B3GALT1: variants seen among roughly 807,000 people sequenced by gnomAD.
B3GALT1 encodes the protein beta-1,3-galactosyltransferase 1.
In B3GALT1, 10 loss-of-function variants were observed where a neutral mutation model predicts 23.2. The observed-to-expected ratio is 0.43, with a 90% CI of 0.27 to 0.73. The LOEUF is 0.73. Ranked by LOEUF, B3GALT1 falls within the 30% of genes least tolerant of loss-of-function variation. The pLI, the probability that B3GALT1 is intolerant of heterozygous loss-of-function variation, is 0.21. For missense variants in B3GALT1, 299 were observed against 405.4 expected (o/e 0.74, Z 2.25); for synonymous variants, 156 against 141.5 (o/e 1.10, Z -0.73).
intron 2 of B3GALT1, among the ~76,000 whole-genome samples, chr2:167,588,091 G>A (rs997671296): frequency 2.0e-5 from 3 of 152,144 alleles, no homozygotes; most frequent in African/African-American, 7.2e-5. Context: ...CTTTAAACAG[G>A]TGTTGCTCTT....
At chr2:167,607,552 T>A (rs1684988051) in intron 2 of B3GALT1, among the ~76,000 whole-genome samples, 1 of 152,200 alleles carries the variant, frequency 6.6e-6, no homozygotes, top group African/African-American at 2.4e-5. Flanking sequence ...TGCACACACG[T>A]GCATACACGC....
chr2:167,639,748 TC>T (rs1473677979), intron 2 of B3GALT1, among the ~76,000 whole-genome samples: 1 of 152,134 alleles, frequency 6.6e-6, no homozygotes, highest in East Asian at 1.9e-4. Context: ...GATGTATCAT[TC>T]CACAGATCCA....
At chr2:167,623,028 T>C (rs1183530549) in intron 2 of B3GALT1, among the ~76,000 whole-genome samples, 1 of 152,110 alleles carries the variant, frequency 6.6e-6, no homozygotes, top group Non-Finnish European at 1.5e-5. Context: ...AAAAAAGGTA[T>C]TTGCTTTGAA....
At chr2:167,540,227 T>C (rs1683513056) in intron 2 of B3GALT1, among the ~76,000 whole-genome samples, 1 of 152,130 alleles carries the variant, frequency 6.6e-6, no homozygotes, top group Non-Finnish European at 1.5e-5. Context: ...CCTGGACAGC[T>C]TATTCAAGCA....
intron 1 of B3GALT1, among the ~76,000 whole-genome samples, chr2:167,437,148 C>T (rs144715189): frequency 4.6e-5 from 7 of 152,200 alleles, no homozygotes; most frequent in South Asian, 2.1e-4. Context: ...AAGCATTTTC[C>T]GTACCAAAGT....
At chr2:167,656,874 T>C (rs1432468186) in intron 3 of B3GALT1, among the ~76,000 whole-genome samples, 1 of 152,088 alleles carries the variant, frequency 6.6e-6, no homozygotes, top group Non-Finnish European at 1.5e-5. Context: ...TTTGTCTAAC[T>C]AGAGAAATAA....
chr2:167,671,120 C>G (rs1686318672), intron 3 of B3GALT1, among the ~76,000 whole-genome samples: 1 of 152,050 alleles, frequency 6.6e-6, no homozygotes, highest in African/African-American at 2.4e-5. Context: ...AAGGATGTAA[C>G]AATTATATAT....
chr2:167,724,383 A>G (rs536852791), intron 3 of B3GALT1, among the ~76,000 whole-genome samples: 1 of 152,190 alleles, frequency 6.6e-6, no homozygotes, highest in Non-Finnish European at 1.5e-5. Context: ...ACAACTTAAC[A>G]TCTACAAACT....
chr2:167,694,431 C>G (rs1686760855), intron 3 of B3GALT1, among the ~76,000 whole-genome samples: 1 of 152,016 alleles, frequency 6.6e-6, no homozygotes, highest in East Asian at 1.9e-4. Flanking sequence ...AAAACTTCCT[C>G]CATTTTGTTA....
At chr2:167,455,276 T>C (rs1273535579) in intron 1 of B3GALT1, among the ~76,000 whole-genome samples, 2 of 152,204 alleles carry the variant, frequency 1.3e-5, no homozygotes, top group Non-Finnish European at 2.9e-5. Flanking sequence ...TAGCTTTTAG[T>C]GTTTTCCTAG....
intron 1 of B3GALT1, among the ~76,000 whole-genome samples, chr2:167,475,780 G>T (rs1427386401): frequency 2.6e-5 from 4 of 152,024 alleles, no homozygotes; most frequent in Non-Finnish European, 5.9e-5. Context: ...ACGGTTCTGG[G>T]GTCTGAAAGT....
intron 2 of B3GALT1, among the ~76,000 whole-genome samples, chr2:167,520,935 G>T (rs1700178427): frequency 1.3e-5 from 2 of 152,060 alleles, no homozygotes; most frequent in East Asian, 1.9e-4. Context: ...TGTTGTTTCT[G>T]CTGTTAACCA....
At chr2:167,548,761 A>G (rs1252793350) in intron 2 of B3GALT1, among the ~76,000 whole-genome samples, 2 of 151,848 alleles carry the variant, frequency 1.3e-5, no homozygotes, top group Non-Finnish European at 2.9e-5. Context: ...CTTAAGTCTT[A>G]AATTAGATTA....
chr2:167,517,482 A>G (rs550730083), intron 2 of B3GALT1, among the ~76,000 whole-genome samples: 101 of 152,186 alleles, frequency 6.6e-4, no homozygotes, highest in African/African-American at 2.4e-3. Flanking sequence ...GCCAGTTAGT[A>G]TACTGCCCAT....
chr2:167,774,472 G>C lies in B3GALT1; in HGVS notation c.-351-44200G>C, dbSNP rs542730965. Among the ~76,000 whole-genome samples, 651 of 111,936 alleles carry C rather than the reference G, an allele frequency of 5.8e-3. 9 individuals are homozygous for C. Among genetic ancestry groups the C allele is most frequent in the African/African-American group, 0.021 (621 of 29,558 alleles). 73.4% of individuals were successfully genotyped at this position (111,936 alleles called of 152,430 possible). A position where few individuals can be genotyped will look rare whatever the true frequency, so the allele number is the denominator to read the frequency against. ...TTCTGTAGTTTTTCTGTGTTTATTG[G>C]TTTTTTTTTTTTGTTTTTTTTTTTG... On this transcript the variant is annotated intron_variant, in intron 3 of 4. Transcript: ENST00000392690.
intron 1 of B3GALT1, among the ~76,000 whole-genome samples, chr2:167,439,825 TA>T (rs1475392967): frequency 4.1e-5 from 6 of 147,644 alleles, no homozygotes; most frequent in South Asian, 2.1e-4. Context: ...GATTTTGTAG[TA>T]TTTTTTTTTT....
At chr2:167,456,506 T>A (rs1699175891) in intron 1 of B3GALT1, among the ~76,000 whole-genome samples, 1 of 152,172 alleles carries the variant, frequency 6.6e-6, no homozygotes, top group Non-Finnish European at 1.5e-5. Flanking sequence ...GTATATCATA[T>A]GTAAAACAAT....
At chr2:167,352,919 T>C (rs554361794) in intron 1 of B3GALT1, among the ~76,000 whole-genome samples, 1 of 152,296 alleles carries the variant, frequency 6.6e-6, no homozygotes, top group South Asian at 2.1e-4. Flanking sequence ...AGGATAATGA[T>C]AATGAGACAT....
intron 2 of B3GALT1, among the ~76,000 whole-genome samples, chr2:167,628,171 AAC>A (rs1269221227): frequency 6.6e-6 from 1 of 151,596 alleles, no homozygotes. Context: ...TCATTTTCTT[AAC>A]AGTGTACATT....
Sources: allele counts gnomAD v4.1 joint callset (sites outside exome capture counted in the v4.1 genomes callset), GRCh38; gene constraint gnomAD v4.1.1; transcripts MANE v1.5; gene names NCBI Gene and HGNC (gene_info 2026-07-23, HGNC 2026-07-21).